KIAA0825: variants seen among roughly 807,000 people sequenced by gnomAD.
The protein encoded by KIAA0825 is uncharacterized protein KIAA0825.
Under a neutral mutation model 147.6 loss-of-function variants are expected in KIAA0825, and 119 were observed. The ratio of observed to expected loss-of-function variants is 0.81; its 90% CI spans 0.69 to 0.94. The LOEUF (loss-of-function observed/expected upper bound fraction) is 0.94, where lower values mean the gene tolerates loss of function less well. KIAA0825 is among the 40% of genes least tolerant of loss of function. KIAA0825 has a pLI of 0.00. For synonymous variants in KIAA0825, 470 were observed against 518.1 expected (o/e 0.91, Z 1.26); for missense variants, 1,381 against 1,472.7 (o/e 0.94, Z 1.02).
At chr5:94,437,972 A>G (rs1756586417) in intron 14 of KIAA0825, among the ~76,000 whole-genome samples, 1 of 152,194 alleles carries the variant, frequency 6.6e-6, no homozygotes, top group Non-Finnish European at 1.5e-5. Context: ...CAGCTTAAGG[A>G]GGAATACAAA....
intron 10 of KIAA0825, among the ~76,000 whole-genome samples, chr5:94,467,919 C>T (rs1760747862): frequency 6.6e-6 from 1 of 152,090 alleles, no homozygotes; most frequent in Admixed American, 6.6e-5. Context: ...CTCCAGTTGT[C>T]AAAACAGTTT....
chr5:94,323,073 A>C (rs999753332), intron 20 of KIAA0825, among the ~76,000 whole-genome samples: 2 of 151,890 alleles, frequency 1.3e-5, no homozygotes, highest in African/African-American at 4.8e-5. Context: ...ACTAAGGCCT[A>C]TTTACTGCTC....
chr5:94,295,013 GTT>G (rs2150171857), intron 20 of KIAA0825, among the ~76,000 whole-genome samples: 1 of 152,238 alleles, frequency 6.6e-6, no homozygotes, highest in South Asian at 2.1e-4. Flanking sequence ...ACTGAAGAGT[GTT>G]TTCTAACTTG....
At chr5:94,177,488 A>G (rs1769211203) in intron 20 of KIAA0825, among the ~76,000 whole-genome samples, 1 of 152,084 alleles carries the variant, frequency 6.6e-6, no homozygotes, top group African/African-American at 2.4e-5. Context: ...AGGAAGTAAA[A>G]TCACACTTTT....
At chr5:94,272,951 A>C (rs1047021481) in intron 20 of KIAA0825, among the ~76,000 whole-genome samples, 2 of 152,222 alleles carry the variant, frequency 1.3e-5, no homozygotes, top group South Asian at 2.1e-4. Context: ...AGTGACTAGC[A>C]CAGGGCAGAT....
rs187102991 is a variant in KIAA0825 at position 94,603,513 on chromosome 5, T to C, written c.-153+14987A>G. On this transcript the variant is annotated intron_variant, in intron 1 of 20. Coordinates refer to ENST00000682413, the MANE Select transcript of KIAA0825 (RefSeq NM_001145678.3). ...CCAATGACACTATGAAACAACCACA[T>C]AAGAAGTGTGCATAATAACCAGCTA... Among the ~76,000 whole-genome samples, 21 of 152,150 alleles carry C rather than the reference T, an allele frequency of 1.4e-4. No individual in the cohort carries two copies. The East Asian group carries it at 3.9e-3, about 28-fold the overall frequency.
intron 20 of KIAA0825, among the ~76,000 whole-genome samples, chr5:94,213,840 C>G (rs1772966496): frequency 6.6e-6 from 1 of 152,186 alleles, no homozygotes; most frequent in South Asian, 2.1e-4. Flanking sequence ...AGTGCCCTTT[C>G]TCTTGTTCCA....
intron 2 of KIAA0825, chr5:94,568,221 A>G (rs1424378967): frequency 1.9e-5 from 3 of 159,652 alleles, no homozygotes; most frequent in East Asian, 1.7e-4. Context: ...GGACTACTCA[A>G]AATTATACCC....
chr5:94,155,634 A>T (rs759401502), intron 20 of KIAA0825, among the ~76,000 whole-genome samples: 1 of 152,136 alleles, frequency 6.6e-6, no homozygotes, highest in Non-Finnish European at 1.5e-5. Flanking sequence ...AAGAAAGAGG[A>T]TTATCTGAAA....
rs765122526 is a variant in KIAA0825 at position 94,396,312 on chromosome 5, C to T, written c.3085G>A (p.Gly1029Arg). 2.3e-5 allele frequency: 36 copies of T among 1,550,402 alleles called. No individual in the cohort carries two copies. Among genetic ancestry groups the T allele is most frequent in the East Asian group, 1.7e-4 (7 of 40,918 alleles). ...IVIICRIFED[G>R]NTVELLTGAS... Reference sequence around the variant, plus strand: ...CCTGTTAAAAGTTCCACAGTGTTTCCGTCCTCAAATATCCGACATATAATT... The same window carrying T: ...CCTGTTAAAAGTTCCACAGTGTTTCTGTCCTCAAATATCCGACATATAATT... Residue 1029 changes from glycine to arginine, a missense_variant, in exon 17 of 21, where the codon GGA (glycine) becomes AGA (arginine). Physicochemically the swap from Gly to Arg is moderately radical, Grantham distance 125 (BLOSUM62 -2). Coordinates refer to ENST00000682413, the MANE Select transcript of KIAA0825 (RefSeq NM_001145678.3).
At chr5:94,492,338 G>C (rs778237980) in intron 5 of KIAA0825, among the ~76,000 whole-genome samples, 9 of 152,166 alleles carry the variant, frequency 5.9e-5, no homozygotes, top group Non-Finnish European at 8.8e-5. Flanking sequence ...ACACAGAACT[G>C]TTCTTGGGAG....
chr5:94,546,904 A>G (rs946732663), intron 2 of KIAA0825, among the ~76,000 whole-genome samples: 5 of 151,676 alleles, frequency 3.3e-5, no homozygotes, highest in Non-Finnish European at 7.4e-5. Flanking sequence ...AGAAAAACCT[A>G]TATGTGACAT....
chr5:94,487,130 C>T (rs1763152414), intron 5 of KIAA0825, among the ~76,000 whole-genome samples: 1 of 152,180 alleles, frequency 6.6e-6, no homozygotes, highest in Non-Finnish European at 1.5e-5. Context: ...AAAGGTCTTA[C>T]TTTCATGACC....
At chr5:94,306,437 G>A (rs1778740022) in intron 20 of KIAA0825, among the ~76,000 whole-genome samples, 1 of 151,796 alleles carries the variant, frequency 6.6e-6, no homozygotes. Flanking sequence ...GAAAAATCCA[G>A]CACCATATTA....
At chr5:94,572,581 C>A (rs1252926656) in intron 2 of KIAA0825, among the ~76,000 whole-genome samples, 2 of 152,058 alleles carry the variant, frequency 1.3e-5, no homozygotes, top group Non-Finnish European at 2.9e-5. Flanking sequence ...ATCTGCAATT[C>A]ATTAAAAATT....
chr5:94,449,393 G>A (rs1758116052), intron 13 of KIAA0825, among the ~76,000 whole-genome samples: 1 of 152,138 alleles, frequency 6.6e-6, no homozygotes, highest in Non-Finnish European at 1.5e-5. Flanking sequence ...TTATAATGGG[G>A]TGGAGAGAAA....
rs538610235 is a variant in KIAA0825, at chr5:94,538,927, G to A, written c.-1-1800C>T. The stretch of plus-strand genomic sequence containing the variant: ...TACAGCTACAGTGGAATTGCCAGAG[G>A]TGTGTGAACCAGAGCAACTCCGTCT... On this transcript the variant is annotated intron_variant, in intron 2 of 20. Coordinates refer to ENST00000682413, the MANE Select transcript of KIAA0825 (RefSeq NM_001145678.3). 4.6e-5 allele frequency among the ~76,000 whole-genome samples: 7 copies of A among 152,308 alleles called. No homozygotes were observed. The South Asian group carries it at 1.4e-3, about 32-fold the overall frequency.
chr5:94,326,932 C>G (rs1289654562), intron 20 of KIAA0825, among the ~76,000 whole-genome samples: 1 of 152,078 alleles, frequency 6.6e-6, no homozygotes, highest in Non-Finnish European at 1.5e-5. Context: ...GACATCATGA[C>G]AATAAGACAC....
At chr5:94,594,226 T>C (rs888724229) in intron 1 of KIAA0825, 5 of 597,232 alleles carry the variant, frequency 8.4e-6, no homozygotes, top group Admixed American at 3.7e-5. Context: ...AGTGCAAGAG[T>C]CCAGTTTTGT....
Sources: allele counts gnomAD v4.1 joint callset (sites outside exome capture counted in the v4.1 genomes callset), GRCh38; gene constraint gnomAD v4.1.1; transcripts MANE v1.5; gene names NCBI Gene and HGNC (gene_info 2026-07-23, HGNC 2026-07-21).